Variants in NCOA6 observed in about 807,000 individuals in gnomAD.
NCOA6 encodes the protein NRC RAP250.
NCOA6 carries 49 observed loss-of-function variants against 171.4 expected under a neutral mutation model. The observed-to-expected ratio is 0.29, with a 90% CI of 0.23 to 0.36. NCOA6 has a LOEUF of 0.36. Ranked by LOEUF, NCOA6 falls within the 10% of genes least tolerant of loss-of-function variation. The pLI, the probability that NCOA6 is intolerant of heterozygous loss-of-function variation, is 1.00. For synonymous variants in NCOA6, 910 were observed against 927.5 expected, an observed-to-expected ratio of 0.98 and a Z score of 0.34; for missense variants, 2,248 against 2,554.5, an observed-to-expected ratio of 0.88 and a Z score of 2.59.
chr20:34,730,651 CA>C (rs1232639371), intron 13 of NCOA6, among the ~76,000 whole-genome samples: 3 of 150,592 alleles, frequency 2.0e-5, no homozygotes, highest in Non-Finnish European at 4.4e-5. Context: ...ATGAGATGAA[CA>C]GGGGTGAAGT....
chr20:34,767,842 G>C (rs1269302735), intron 5 of NCOA6, among the ~76,000 whole-genome samples: 1 of 152,136 alleles, frequency 6.6e-6, no homozygotes, highest in Non-Finnish European at 1.5e-5. Context: ...ATCGCTCCTT[G>C]ACCCTGGGCA....
At chr20:34,746,771 T>G in intron 10 of NCOA6, 36 bp downstream of exon 10, 1 of 1,555,934 alleles carries the variant, frequency 6.4e-7, no homozygotes. Flanking sequence ...CACATGCACA[T>G]GTAATAAGTA....
At chr20:34,740,091 G>A (rs1211101299) in intron 11 of NCOA6, among the ~76,000 whole-genome samples, 3 of 152,112 alleles carry the variant, frequency 2.0e-5, no homozygotes, top group Non-Finnish European at 4.4e-5. Flanking sequence ...TCGAATTCCT[G>A]ACCTCAACTG....
intron 1 of NCOA6, among the ~76,000 whole-genome samples, chr20:34,822,503 C>T (rs911368200): frequency 6.6e-6 from 1 of 152,212 alleles, no homozygotes; most frequent in Non-Finnish European, 1.5e-5. Context: ...TTCCCTGATT[C>T]TTTGAGCAGA....
rs780038783 is a variant in NCOA6, at chr20:34,741,751, T to C, written c.4505A>G (p.Asn1502Ser). Residue 1502 changes from asparagine to serine, a missense_variant, in exon 11 of 15, where the codon AAT becomes AGT. Asn to Ser is a conservative substitution (Grantham distance 46). This residue lies in a region of NCOA6 where 884 missense variants were observed against 941.9 expected (regional missense o/e 0.94). Coordinates refer to ENST00000359003, the MANE Select transcript of NCOA6 (RefSeq NM_014071.5). ...SQLLDNSGAPNVTIKPPGLTD... is the reference protein window; with the variant it reads ...SQLLDNSGAPSVTIKPPGLTD... ...AAGCCCAGGGGGTTTAATTGTCACA[T>C]TGGGAGCTCCAGAGTTGTCAAGAAG... The C allele has an allele frequency of 2.5e-5, 41 of 1,614,056 alleles. No homozygotes were observed. Among genetic ancestry groups the C allele is most frequent in the South Asian group, 5.5e-5 (5 of 91,078 alleles).
chr20:34,753,928 A>G (rs1374251090), intron 8 of NCOA6, among the ~76,000 whole-genome samples: 5 of 152,220 alleles, frequency 3.3e-5, no homozygotes, highest in Admixed American at 3.3e-4. Context: ...AACTGCTTCA[A>G]TGAGAAAGGG....
intron 12 of NCOA6, among the ~76,000 whole-genome samples, chr20:34,734,504 C>T (rs1019643212): frequency 2.6e-5 from 4 of 151,906 alleles, no homozygotes; most frequent in African/African-American, 9.7e-5. Context: ...ATGCCAAGCC[C>T]AACTAATTTT....
At chr20:34,749,272 T>A (rs779051267) in intron 9 of NCOA6, 131 bp downstream of exon 9, 2 of 1,138,002 alleles carry the variant, frequency 1.8e-6, no homozygotes, top group South Asian at 1.6e-5. Context: ...AGACTATGAG[T>A]TGATAATTAT....
At chr20:34,770,631 ACTT>A (rs1324175026) in intron 4 of NCOA6, among the ~76,000 whole-genome samples, 4 of 151,624 alleles carry the variant, frequency 2.6e-5, no homozygotes, top group African/African-American at 7.3e-5. Context: ...TAAAGGCCAA[ACTT>A]CTTTTTTTTT....
rs969313774 is a variant in NCOA6 at position 34,723,173 on chromosome 20, A to C, written c.6148+4086T>G. ...AGCTAGTCAGAAGCACAGGTAAAAC[A>C]ACCTGGGGCTTGCACCTGGCATTGG... On this transcript the variant is annotated intron_variant, in intron 14 of 14. Coordinates refer to ENST00000359003, the MANE Select transcript of NCOA6 (RefSeq NM_014071.5). Among the ~76,000 whole-genome samples the C allele has an allele frequency of 3.9e-5, 6 of 152,322 alleles. No individual in the cohort carries two copies. The East Asian group carries it at 9.6e-4, about 24-fold the overall frequency.
In NCOA6 at chr20:34,743,233, TGTGGCTGTGGCTGCTGCTGTG is replaced by T; in HGVS notation, c.3002_3022del (p.Pro1001_Pro1007del). ...TGGTGGCTGCTGCTGCTGAGGCAGT[TGTGGCTGTGGCTGCTGCTGTG>T]GTGGCTGTGGTGGGGGTGCCACATG... On this transcript the variant is annotated inframe_deletion, in exon 11 of 15. Transcript: ENST00000359003. 6.2e-7 allele frequency: 1 copy of T among 1,613,996 alleles called. No homozygotes were observed. Among genetic ancestry groups the T allele is most frequent in the South Asian group, 1.1e-5 (1 of 91,072 alleles).
chr20:34,724,842 A>G (rs2378258), intron 14 of NCOA6, among the ~76,000 whole-genome samples: 127,381 of 151,350 alleles, frequency 0.84, 53,797 homozygotes, highest in Admixed American at 0.91. Flanking sequence ...AGGCTGGAAC[A>G]CAATGACGCG....
At chr20:34,820,688 T>C (rs1395202309) in intron 1 of NCOA6, 1 of 151,054 alleles carries the variant, frequency 6.6e-6, no homozygotes, top group African/African-American at 2.4e-5. Context: ...AGAGAATCAC[T>C]TGAACCTGGG....
intron 11 of NCOA6, among the ~76,000 whole-genome samples, chr20:34,737,311 C>T (rs979421403): frequency 6.6e-6 from 1 of 152,212 alleles, no homozygotes; most frequent in African/African-American, 2.4e-5. Context: ...ATTTACTTAT[C>T]TAACAAATAG....
Position 34,761,350 on chromosome 20 carries a change from T to C in NCOA6, c.515-2417A>G, listed in dbSNP as rs186028140. ...ATTGGCTACATCTCACACATTTCAG[T>C]ATATATTATTCTCATAATTCCATTC... On this transcript the variant is annotated intron_variant, in intron 5 of 14. Transcript: ENST00000359003. Among the ~76,000 whole-genome samples, 606 of 152,290 alleles carry C rather than the reference T, an allele frequency of 4.0e-3. 4 individuals are homozygous for C. The highest frequency in any genetic ancestry group is 3.9e-3 in the Non-Finnish European group (267 of 68,034).
chr20:34,810,541 A>AT (rs1568890258), intron 1 of NCOA6, among the ~76,000 whole-genome samples: 1 of 149,580 alleles, frequency 6.7e-6, no homozygotes, highest in African/African-American at 2.5e-5. Context: ...CCATGCAACC[A>AT]TTTTTTTTCT....
In NCOA6 at chr20:34,740,863, G is replaced by C; in HGVS notation, c.5393C>G (p.Thr1798Ser). 1 of 1,614,232 alleles carries C rather than the reference G, an allele frequency of 6.2e-7. No homozygotes were observed. The highest frequency in any genetic ancestry group is 1.1e-5 in the South Asian group (1 of 91,084). Residue 1798 changes from threonine to serine, a missense_variant, in exon 11 of 15, where the codon ACC (threonine) becomes AGC (serine). By Grantham distance (58) the Thr-to-Ser change is moderately conservative (BLOSUM62 1). Coordinates refer to ENST00000359003, the MANE Select transcript of NCOA6 (RefSeq NM_014071.5). ...GTTGCCAGAGGACCCTGGACTATTG[G>C]TCAAAAGGGGAGAAACCATTGTGGT... is the stretch of plus-strand genomic sequence containing the variant. ...QSTTMVSPLL[T>S]NSPGSSGNRR...
chr20:34,815,800 T>C (rs975890945), intron 1 of NCOA6, among the ~76,000 whole-genome samples: 3 of 152,108 alleles, frequency 2.0e-5, no homozygotes, highest in African/African-American at 4.8e-5. Flanking sequence ...GTTACTGGCA[T>C]AGGAAAATGA....
At chr20:34,723,116 C>T (rs1449556879) in intron 14 of NCOA6, among the ~76,000 whole-genome samples, 6 of 152,172 alleles carry the variant, frequency 3.9e-5, no homozygotes, top group Non-Finnish European at 5.9e-5. Context: ...GACCTGGTTA[C>T]GAGGGGTTCA....
Sources: allele counts gnomAD v4.1 joint callset (sites outside exome capture counted in the v4.1 genomes callset), GRCh38; gene constraint gnomAD v4.1.1; regional missense constraint gnomAD v4.1.1; transcripts MANE v1.5; gene names NCBI Gene and HGNC (gene_info 2026-07-23, HGNC 2026-07-21).